The following WWOX variants were observed in gnomAD, a reference collection of about 807,000 sequenced individuals.
The protein encoded by WWOX is WW domain containing oxidoreductase.
WWOX carries 69 observed loss-of-function variants against 46.2 expected under a neutral mutation model. The ratio of observed to expected loss-of-function variants is 1.49; its 90% CI spans 1.23 to 1.82. The LOEUF (loss-of-function observed/expected upper bound fraction) is 1.82. WWOX is among the 40% of genes most tolerant of loss of function. WWOX has a pLI of 0.00. For missense variants in WWOX, 919 were observed against 542.6 expected (o/e 1.69, Z -6.89); for synonymous variants, 359 against 202.6 (o/e 1.77, Z -6.56).
intron 8 of WWOX, among the ~76,000 whole-genome samples, chr16:78,723,518 T>C (rs999876657): frequency 6.6e-6 from 1 of 152,144 alleles, no homozygotes; most frequent in African/African-American, 2.4e-5. Flanking sequence ...TACTACCTTC[T>C]TCTACTCCCA....
intron 8 of WWOX, among the ~76,000 whole-genome samples, chr16:78,798,597 T>TG (rs2050805602): frequency 2.6e-5 from 4 of 151,726 alleles, no homozygotes; most frequent in East Asian, 1.9e-4. Flanking sequence ...TTGGGTTTTT[T>TG]TTTTTTTTTT....
In WWOX at chr16:79,145,889, A is replaced by C. The variant is rs146386884; in HGVS notation, c.1057-65719A>C. On this transcript the variant is annotated intron_variant, in intron 8 of 8. Coordinates refer to ENST00000566780, the MANE Select transcript of WWOX (RefSeq NM_016373.4). The stretch of plus-strand genomic sequence containing the variant: ...AAGAATAAATGTATAAGAGTGATCA[A>C]ATACCTGTATTAAAATTATATAATT... 5.6e-4 allele frequency among the ~76,000 whole-genome samples: 85 copies of C among 152,320 alleles called. No homozygotes were observed. The East Asian group carries it at 0.015, about 27-fold the overall frequency.
intron 5 of WWOX, among the ~76,000 whole-genome samples, chr16:78,356,814 G>A (rs1274257178): frequency 1.3e-5 from 2 of 152,106 alleles, no homozygotes; most frequent in East Asian, 3.9e-4. Flanking sequence ...CCTGGGAGGT[G>A]GAGGTTGAAG....
chr16:78,620,589 C>A (rs1372699245), intron 8 of WWOX, among the ~76,000 whole-genome samples: 1 of 152,106 alleles, frequency 6.6e-6, no homozygotes, highest in Admixed American at 6.6e-5. Flanking sequence ...GGACTCTTGT[C>A]CCCTGAGAAG....
chr16:78,432,458 T>C (rs1375260877), intron 7 of WWOX, 30 bp from the exon 8 acceptor site: 6 of 1,612,384 alleles, frequency 3.7e-6, no homozygotes, highest in Non-Finnish European at 5.1e-6. Flanking sequence ...CAGAACTTGG[T>C]TGCTTCATGT....
At chr16:78,839,444 C>T (rs551186207) in intron 8 of WWOX, among the ~76,000 whole-genome samples, 1 of 152,298 alleles carries the variant, frequency 6.6e-6, no homozygotes, top group Non-Finnish European at 1.5e-5. Context: ...ACAAGATCCC[C>T]TTTCTAGGAA....
At chr16:78,907,538 C>T (rs537193539) in intron 8 of WWOX, among the ~76,000 whole-genome samples, 3 of 152,122 alleles carry the variant, frequency 2.0e-5, no homozygotes, top group Non-Finnish European at 2.9e-5. Flanking sequence ...ACTAAATATC[C>T]CCCCAAAGTT....
intron 8 of WWOX, among the ~76,000 whole-genome samples, chr16:79,077,026 C>G (rs1157257520): frequency 6.6e-6 from 1 of 152,094 alleles, no homozygotes; most frequent in Non-Finnish European, 1.5e-5. Flanking sequence ...TAGGGAAAAA[C>G]AGTAGCCGAT....
At chr16:78,222,012 C>A (rs571993184) in intron 5 of WWOX, among the ~76,000 whole-genome samples, 1 of 152,024 alleles carries the variant, frequency 6.6e-6, no homozygotes, top group Non-Finnish European at 1.5e-5. Context: ...AAACTTCTGC[C>A]GAGAAAAGAA....
intron 5 of WWOX, among the ~76,000 whole-genome samples, chr16:78,290,994 G>C (rs892284956): frequency 4.6e-5 from 7 of 152,178 alleles, no homozygotes; most frequent in Non-Finnish European, 8.8e-5. Context: ...AATATGACTT[G>C]TTCTAATTGC....
At chr16:78,603,882 C>T (rs914811955) in intron 8 of WWOX, among the ~76,000 whole-genome samples, 2 of 152,134 alleles carry the variant, frequency 1.3e-5, no homozygotes, top group African/African-American at 4.8e-5. Context: ...TGGCTCACAC[C>T]TGTAATCCCA....
intron 8 of WWOX, among the ~76,000 whole-genome samples, chr16:79,075,613 C>T (rs144845526): frequency 6.6e-6 from 1 of 151,638 alleles, no homozygotes; most frequent in African/African-American, 2.4e-5. Context: ...AGTTTAGTGG[C>T]ATGATCTTGG....
intron 8 of WWOX, among the ~76,000 whole-genome samples, chr16:78,621,622 T>TTTTTTTTTTTTTA (rs2046188495): frequency 8.2e-6 from 1 of 121,866 alleles, no homozygotes; most frequent in Non-Finnish European, 1.7e-5. Context: ...TTTTTTTTTT[T>TTTTTTTTTTTTTA]GAGACAGAGT....
intron 5 of WWOX, among the ~76,000 whole-genome samples, chr16:78,313,307 G>C (rs1597469533): frequency 6.6e-6 from 1 of 152,194 alleles, no homozygotes; most frequent in African/African-American, 2.4e-5. Flanking sequence ...CTGGGAACAT[G>C]ATAGAACGTC....
chr16:78,434,818 G>C (rs1241921281), intron 8 of WWOX, among the ~76,000 whole-genome samples: 1 of 152,138 alleles, frequency 6.6e-6, no homozygotes, highest in Non-Finnish European at 1.5e-5. Flanking sequence ...AATGGATGAG[G>C]AGTCATTGAT....
intron 8 of WWOX, among the ~76,000 whole-genome samples, chr16:79,081,961 G>A (rs76846953): frequency 0.041 from 6,184 of 152,268 alleles, 235 homozygotes; most frequent in African/African-American, 0.096. Flanking sequence ...CAAAGGGGTG[G>A]TTGATATCAG....
intron 8 of WWOX, among the ~76,000 whole-genome samples, chr16:78,662,777 A>C (rs1390610384): frequency 6.6e-6 from 1 of 152,144 alleles, no homozygotes; most frequent in Admixed American, 6.5e-5. Flanking sequence ...AGTTGTTGGC[A>C]AGATGTAGTG....
At chr16:78,639,791 C>G (rs576409428) in intron 8 of WWOX, among the ~76,000 whole-genome samples, 29 of 152,230 alleles carry the variant, frequency 1.9e-4, no homozygotes, top group Non-Finnish European at 3.5e-4. Flanking sequence ...GTCTTGAACT[C>G]CTGACCTCAG....
intron 8 of WWOX, among the ~76,000 whole-genome samples, chr16:78,576,606 G>A (rs1226102040): frequency 6.6e-6 from 1 of 152,184 alleles, no homozygotes; most frequent in Middle Eastern, 3.2e-3. Context: ...GCCCAGGCAG[G>A]AGCATCACTT....
Sources: allele counts gnomAD v4.1 joint callset (sites outside exome capture counted in the v4.1 genomes callset), GRCh38; gene constraint gnomAD v4.1.1; transcripts MANE v1.5; gene names NCBI Gene and HGNC (gene_info 2026-07-23, HGNC 2026-07-21).